Variants in LMF1 observed in about 807,000 individuals in gnomAD.
LMF1 encodes the protein transmembrane protein 112.
LMF1 carries 68 observed loss-of-function variants against 60.6 expected under a neutral mutation model. That is an observed-to-expected ratio of 1.12 (90% CI 0.92 to 1.37). LMF1 has a LOEUF of 1.37. LMF1 is among the 40% of genes most tolerant of loss of function. The pLI, the probability that LMF1 is intolerant of heterozygous loss-of-function variation, is 0.00. For missense variants in LMF1, 948 were observed against 767.2 expected, an observed-to-expected ratio of 1.24 and a Z score of -2.78; for synonymous variants, 418 against 324.7, an observed-to-expected ratio of 1.29 and a Z score of -3.09.
intron 2 of LMF1, among the ~76,000 whole-genome samples, chr16:946,115 G>A (rs1011820069): frequency 4.6e-5 from 7 of 152,300 alleles, no homozygotes; most frequent in African/African-American, 9.6e-5. Context: ...GCAGAGTCTC[G>A]GAGCTGGCTT....
At chr16:894,048 C>CT (rs2070580286) in intron 4 of LMF1, among the ~76,000 whole-genome samples, 1 of 149,428 alleles carries the variant, frequency 6.7e-6, no homozygotes. Context: ...CACTCGTCCC[C>CT]TGTCCACCAG....
chr16:871,157 C>T lies in LMF1; in HGVS notation c.1078+4G>A. On this transcript the variant is annotated splice_donor_region_variant and intron_variant, in intron 7 of 10. Transcript: ENST00000262301. ...GGGCAGGGGCCCCCAGCTGAGCCAC[C>T]TACCGAATCTGGGCTCGGGCCGGGC... 6.3e-7 allele frequency: 1 copy of T among 1,579,220 alleles called. No homozygotes were observed.
In LMF1 at chr16:854,217, T is replaced by A. The variant is rs369085112; in HGVS notation, c.*315A>T. 2 of 573,168 alleles carry A rather than the reference T, an allele frequency of 3.5e-6. No individual in the cohort carries two copies. Among genetic ancestry groups the A allele is most frequent in the Non-Finnish European group, 6.6e-6 (2 of 303,788 alleles). 35.5% of individuals were successfully genotyped at this position (573,168 alleles called of 1,614,324 possible). On this transcript the variant is annotated 3_prime_UTR_variant, in exon 11 of 11. Transcript: ENST00000262301. ...GTGGAGGAAGGTGTCAGGATGGCCATTGTCTCAACTCCTGTGGGCGGCACA... is the reference window on the plus strand; with the variant it reads ...GTGGAGGAAGGTGTCAGGATGGCCAATGTCTCAACTCCTGTGGGCGGCACA...
chr16:870,168 G>A, intron 8 of LMF1, 102 bp from the exon 9 acceptor site: 11 of 1,346,262 alleles, frequency 8.2e-6, no homozygotes, highest in Non-Finnish European at 1.0e-5. Context: ...CCTGGCCCAG[G>A]GGGAGGGCTA....
At chr16:871,375 G>T in intron 6 of LMF1, 34 bp from the exon 7 acceptor site, 1 of 1,605,194 alleles carries the variant, frequency 6.2e-7, no homozygotes, top group Non-Finnish European at 8.5e-7. Flanking sequence ...CTCGTGCAGG[G>T]GCTCGTGTGG....
intron 1 of LMF1, chr16:976,431 C>A (rs932730631): frequency 2.2e-6 from 1 of 454,146 alleles, no homozygotes; most frequent in South Asian, 1.6e-5. Context: ...TTTACTGCCA[C>A]CAACGGAAGC....
chr16:929,978 G>A (rs76826528), intron 3 of LMF1, among the ~76,000 whole-genome samples: 5 of 150,662 alleles, frequency 3.3e-5, no homozygotes, highest in South Asian at 2.1e-4. Context: ...GAACGGGGGC[G>A]CAGGACCCTG....
At chr16:904,350 C>T (rs1460931410) in intron 4 of LMF1, among the ~76,000 whole-genome samples, 3 of 101,180 alleles carry the variant, frequency 3.0e-5, no homozygotes, top group Non-Finnish European at 6.1e-5. Context: ...ACCTCTGCAT[C>T]GCCCACAGGA....
chr16:944,993 C>T (rs1410100368), intron 2 of LMF1, among the ~76,000 whole-genome samples: 2 of 148,856 alleles, frequency 1.3e-5, no homozygotes, highest in Non-Finnish European at 3.0e-5. Flanking sequence ...GCGGGTGGAT[C>T]ACTGGAGGTC....
intron 3 of LMF1, chr16:933,627 T>G (rs1597025847): frequency 1.5e-5 from 3 of 205,154 alleles, no homozygotes; most frequent in Non-Finnish European, 2.0e-5. Flanking sequence ...AAGGCAGGGG[T>G]GGGGGTATGG....
chr16:935,143 C>T (rs1020564981), intron 2 of LMF1, among the ~76,000 whole-genome samples: 4 of 151,560 alleles, frequency 2.6e-5, no homozygotes, highest in Non-Finnish European at 5.9e-5. Context: ...CATTCTATCA[C>T]CCAGGTTGGA....
At chr16:895,343 CGAAACATTA>C (rs1454261423) in intron 4 of LMF1, among the ~76,000 whole-genome samples, 1 of 152,212 alleles carries the variant, frequency 6.6e-6, no homozygotes, top group African/African-American at 2.4e-5. Flanking sequence ...GCCACGTCTG[CGAAACATTA>C]ATACCTCCCA....
chr16:864,299 C>T (rs1268443847), intron 10 of LMF1, among the ~76,000 whole-genome samples: 1 of 152,170 alleles, frequency 6.6e-6, no homozygotes, highest in Non-Finnish European at 1.5e-5. Flanking sequence ...TTTCAACCTG[C>T]CTATACAGAG....
At chr16:976,845 C>T (rs766900960) in intron 1 of LMF1, 1 of 454,162 alleles carries the variant, frequency 2.2e-6, no homozygotes, top group South Asian at 1.6e-5. Flanking sequence ...GAATCCTTTC[C>T]ACATGCGAAC....
At chr16:861,917 G>C (rs756864117) in intron 10 of LMF1, among the ~76,000 whole-genome samples, 1 of 152,170 alleles carries the variant, frequency 6.6e-6, no homozygotes, top group Middle Eastern at 3.2e-3. Context: ...TGCAGGGCTT[G>C]TACAGATGCT....
At chr16:969,820 C>T (rs897684453) in intron 1 of LMF1, among the ~76,000 whole-genome samples, 4 of 152,226 alleles carry the variant, frequency 2.6e-5, no homozygotes, top group Non-Finnish European at 4.4e-5. Context: ...GCTTATGAAA[C>T]ATGTATCCGT....
intron 1 of LMF1, among the ~76,000 whole-genome samples, chr16:978,264 A>G (rs1049165806): frequency 6.7e-6 from 1 of 149,044 alleles, no homozygotes; most frequent in Non-Finnish European, 1.5e-5. Flanking sequence ...CGCACCATAC[A>G]CACTATACAC....
chr16:926,793 A>G (rs533704252), intron 3 of LMF1, among the ~76,000 whole-genome samples: 2 of 152,240 alleles, frequency 1.3e-5, no homozygotes, highest in South Asian at 4.2e-4. Flanking sequence ...GGGACCCTGC[A>G]GGTCACAGCC....
intron 4 of LMF1, 58 bp from the exon 5 acceptor site, chr16:893,130 C>T (rs4984706): frequency 3.9e-5 from 57 of 1,447,054 alleles, no homozygotes; most frequent in Non-Finnish European, 4.8e-5. Context: ...GCGGCGGCCC[C>T]GACAGAAACA....
Sources: gnomAD v4.1 joint callset for allele counts (sites outside exome capture counted in the v4.1 genomes callset) on GRCh38, gnomAD v4.1.1 for gene constraint, MANE v1.5 for transcripts, NCBI Gene and HGNC (gene_info 2026-07-23, HGNC 2026-07-21) for gene names.